Variants in ELP4 observed in about 807,000 individuals in gnomAD.
The protein encoded by ELP4 is elongator acetyltransferase complex subunit 4.
A neutral mutation model predicts 48.9 loss-of-function variants in ELP4; 51 were observed. The ratio of observed to expected loss-of-function variants is 1.04; its 90% confidence interval spans 0.83 to 1.32. The LOEUF (loss-of-function observed/expected upper bound fraction) is 1.32. ELP4 is among the 40% of genes most tolerant of loss of function. ELP4 has a pLI of 0.00. For synonymous variants in ELP4, 210 were observed against 189.2 expected (o/e 1.11, Z -0.90); for missense variants, 519 against 514.6 (o/e 1.01, Z -0.08).
At chr11:31,757,762 T>G (rs1328131459) in intron 9 of ELP4, among the ~76,000 whole-genome samples, 1 of 152,134 alleles carries the variant, frequency 6.6e-6, no homozygotes, top group Non-Finnish European at 1.5e-5. Context: ...ACACGCCAGA[T>G]GTAACAGTTT....
intron 3 of ELP4, among the ~76,000 whole-genome samples, chr11:31,572,553 C>A (rs375010822): frequency 6.6e-6 from 1 of 152,050 alleles, no homozygotes; most frequent in Non-Finnish European, 1.5e-5. Flanking sequence ...TTTCTAATTT[C>A]GTTTTCATTT....
intron 2 of ELP4, among the ~76,000 whole-genome samples, chr11:31,535,051 C>T (rs1454306654): frequency 6.6e-6 from 1 of 152,160 alleles, no homozygotes; most frequent in African/African-American, 2.4e-5. Context: ...AAAACATTTT[C>T]CTTTGCCGTA....
At chr11:31,526,118 C>A (rs1325258668) in intron 2 of ELP4, among the ~76,000 whole-genome samples, 1 of 152,020 alleles carries the variant, frequency 6.6e-6, no homozygotes, top group Admixed American at 6.6e-5. Context: ...TGTATTGTAT[C>A]ATGTAATTTC....
At chr11:31,735,353 C>A (rs1347829655) in intron 9 of ELP4, among the ~76,000 whole-genome samples, 1 of 151,942 alleles carries the variant, frequency 6.6e-6, no homozygotes, top group Non-Finnish European at 1.5e-5. Flanking sequence ...GTAACAAAAG[C>A]AAAAGTAAAC....
At chr11:31,676,320 G>A (rs1171686252) in intron 9 of ELP4, among the ~76,000 whole-genome samples, 1 of 152,080 alleles carries the variant, frequency 6.6e-6, no homozygotes, top group Non-Finnish European at 1.5e-5. Context: ...TTTCCAAATA[G>A]CAATCTATCC....
chr11:31,574,066 G>A (rs1019686563), intron 3 of ELP4, among the ~76,000 whole-genome samples: 3 of 152,190 alleles, frequency 2.0e-5, no homozygotes, highest in African/African-American at 7.2e-5. Flanking sequence ...AATTTGAGGA[G>A]AGCTCATCTA....
chr11:31,722,909 G>A (rs531448063), intron 9 of ELP4, among the ~76,000 whole-genome samples: 2 of 152,260 alleles, frequency 1.3e-5, no homozygotes, highest in South Asian at 2.1e-4. Flanking sequence ...CTGAGCTGAC[G>A]GGCTGTGGTC....
chr11:31,561,096 A>G (rs1957017725), intron 3 of ELP4, among the ~76,000 whole-genome samples: 2 of 152,202 alleles, frequency 1.3e-5, no homozygotes, highest in Non-Finnish European at 2.9e-5. Context: ...ATACTCATGC[A>G]TGTGTATACA....
chr11:31,595,024 G>T (rs982500807), intron 4 of ELP4, 123 bp downstream of exon 4: 2 of 762,616 alleles, frequency 2.6e-6, no homozygotes, highest in Non-Finnish European at 3.9e-6. Context: ...TTCATTTGTA[G>T]AGTATTTGGT....
chr11:31,774,642 G>A (rs1948209445), intron 9 of ELP4, among the ~76,000 whole-genome samples: 1 of 152,142 alleles, frequency 6.6e-6, no homozygotes, highest in South Asian at 2.1e-4. Flanking sequence ...TGATTAGGAG[G>A]GAGGAAATTT....
intron 5 of ELP4, among the ~76,000 whole-genome samples, chr11:31,607,705 A>G (rs1164407082): frequency 6.6e-6 from 1 of 152,264 alleles, no homozygotes; most frequent in South Asian, 2.1e-4. Context: ...TTGGTAGTCA[A>G]TAGAATGAGT....
At chr11:31,764,822 G>A (rs1037799733) in intron 9 of ELP4, among the ~76,000 whole-genome samples, 2 of 152,102 alleles carry the variant, frequency 1.3e-5, no homozygotes, top group African/African-American at 2.4e-5. Context: ...CACAGGTGTC[G>A]GTTTTATTAT....
intron 9 of ELP4, chr11:31,682,087 C>T (rs753665425): frequency 4.1e-5 from 52 of 1,268,252 alleles, no homozygotes; most frequent in Non-Finnish European, 5.1e-5. Flanking sequence ...TAAGTAGATA[C>T]TGATGTTGAT....
intron 9 of ELP4, among the ~76,000 whole-genome samples, chr11:31,766,242 A>G (rs1948037367): frequency 6.6e-6 from 1 of 152,154 alleles, no homozygotes. Context: ...TAAAAAAGAA[A>G]ACAATAACCA....
intron 9 of ELP4, among the ~76,000 whole-genome samples, chr11:31,692,302 G>T (rs747353089): frequency 6.6e-5 from 10 of 152,030 alleles, no homozygotes; most frequent in Non-Finnish European, 1.2e-4. Flanking sequence ...CGTCTTAATG[G>T]GTAGGAAATT....
intron 4 of ELP4, among the ~76,000 whole-genome samples, chr11:31,601,445 TATA>T (rs1476990494): frequency 3.9e-5 from 6 of 152,254 alleles, no homozygotes; most frequent in South Asian, 4.1e-4. Flanking sequence ...TAATAACAAT[TATA>T]ATGAGAAAAG....
At chr11:31,560,353 T>A (rs1326561764) in intron 3 of ELP4, among the ~76,000 whole-genome samples, 5 of 152,130 alleles carry the variant, frequency 3.3e-5, no homozygotes, top group Non-Finnish European at 5.9e-5. Flanking sequence ...TTATATTTAG[T>A]AACATTTCAG....
intron 9 of ELP4, among the ~76,000 whole-genome samples, chr11:31,677,509 A>AT (rs1459160178): frequency 6.6e-6 from 1 of 152,146 alleles, no homozygotes. Context: ...AAGGAGATGC[A>AT]TTTTCCAGTT....
At chr11:31,603,144 G>T (rs939738667) in intron 4 of ELP4, among the ~76,000 whole-genome samples, 1 of 151,842 alleles carries the variant, frequency 6.6e-6, no homozygotes, top group African/African-American at 2.4e-5. Flanking sequence ...GGTTCTGATT[G>T]ATCTAATGTG....
Sources: allele counts gnomAD v4.1 joint callset (sites outside exome capture counted in the v4.1 genomes callset), GRCh38; gene constraint gnomAD v4.1.1; transcripts MANE v1.5; gene names NCBI Gene and HGNC (gene_info 2026-07-23, HGNC 2026-07-21).